SYK: variants seen among roughly 807,000 people sequenced by gnomAD.
SYK encodes the protein tyrosine-protein kinase SYK.
In SYK, 16 loss-of-function variants were observed where a neutral mutation model predicts 77.8. That is an observed-to-expected ratio of 0.21 (90% CI 0.14 to 0.31). The LOEUF (loss-of-function observed/expected upper bound fraction) is 0.31, where lower values mean the gene tolerates loss of function less well. Among genes scored for constraint, SYK ranks in the 10% least tolerant of loss-of-function variants. SYK has a pLI of 1.00. For synonymous variants in SYK, 312 were observed against 308.7 expected (o/e 1.01, Z -0.11); for missense variants, 529 against 814.4 (o/e 0.65, Z 4.26).
chr9:90,848,939 C>T (rs1442837583), intron 3 of SYK, among the ~76,000 whole-genome samples: 4 of 152,208 alleles, frequency 2.6e-5, no homozygotes, highest in African/African-American at 7.2e-5. Context: ...CTGAAGGCAG[C>T]GAGGAACCAT....
At chr9:90,877,038 C>CT (rs775270773) in intron 9 of SYK, among the ~76,000 whole-genome samples, 2 of 152,026 alleles carry the variant, frequency 1.3e-5, no homozygotes, top group African/African-American at 2.4e-5. Flanking sequence ...CAGTACTGTT[C>CT]TTCACCATTC....
Position 90,896,932 on chromosome 9 carries a change from C to G in SYK, c.*1332C>G, listed in dbSNP as rs942687750. On this transcript the variant is annotated 3_prime_UTR_variant, in exon 14 of 14. Transcript: ENST00000375754. Reference sequence around the variant, plus strand: ...GTCCCAGCTACTCGGGAGGCTGAGGCAGGAGAATCGCTTGAACCCAGGAAA... The same window carrying G: ...GTCCCAGCTACTCGGGAGGCTGAGGGAGGAGAATCGCTTGAACCCAGGAAA... The G allele has an allele frequency of 1.0e-5, 2 of 196,692 alleles. No homozygotes were observed. The highest frequency in any genetic ancestry group is 2.1e-5 in the Non-Finnish European group (2 of 94,998). 12.2% of individuals were successfully genotyped at this position (196,692 alleles called of 1,614,324 possible).
intron 1 of SYK, among the ~76,000 whole-genome samples, chr9:90,817,882 T>TGTGTGTGAGA (rs1302553724): frequency 7.6e-4 from 51 of 66,912 alleles, no homozygotes; most frequent in African/African-American, 2.4e-3. Flanking sequence ...TGTGTGTGTG[T>TGTGTGTGAGA]GAGAGAGAGA....
At chr9:90,863,929 T>C (rs1331717999) in intron 4 of SYK, among the ~76,000 whole-genome samples, 5 of 152,254 alleles carry the variant, frequency 3.3e-5, no homozygotes, top group African/African-American at 9.6e-5. Flanking sequence ...CAAGAATCTT[T>C]ACTATTTGTA....
At chr9:90,859,449 T>C (rs1827167517) in intron 3 of SYK, among the ~76,000 whole-genome samples, 1 of 152,242 alleles carries the variant, frequency 6.6e-6, no homozygotes, top group South Asian at 2.1e-4. Context: ...ATAGCTACCA[T>C]TTGCTCATTT....
intron 3 of SYK, among the ~76,000 whole-genome samples, chr9:90,854,982 C>CCT (rs148819313): frequency 1.2e-4 from 16 of 136,896 alleles, no homozygotes; most frequent in Non-Finnish European, 2.3e-4. Context: ...CTACAGCCCG[C>CCT]CTCTCTCTCT....
At chr9:90,817,457 G>A (rs558950663) in intron 1 of SYK, among the ~76,000 whole-genome samples, 1 of 152,218 alleles carries the variant, frequency 6.6e-6, no homozygotes, top group South Asian at 2.1e-4. Context: ...TGCCTGCAGT[G>A]TTAATATCCA....
intron 11 of SYK, among the ~76,000 whole-genome samples, chr9:90,880,606 C>G (rs913849442): frequency 6.6e-6 from 1 of 152,192 alleles, no homozygotes; most frequent in Admixed American, 6.5e-5. Flanking sequence ...AACAAGGACA[C>G]AGAGGAGATA....
rs202166418 is a variant in SYK at position 90,877,685 on chromosome 9, C to T, written c.1296C>T (p.Ile432=). ...TGCAGCAGCTGGACAACCCGTACAT[C>T]GTGCGGATGATCGGGATATGCGAGG... ...NVMQQLDNPY[I]VRMIGICEAE... The change falls in exon 10 of 14, where the codon ATC becomes ATT. Residue 432 remains isoleucine (I), a synonymous_variant. Transcript: ENST00000375754. The T allele has an allele frequency of 4.3e-6, 7 of 1,614,112 alleles. No homozygotes were observed. The highest frequency in any genetic ancestry group is 1.6e-4 in the Middle Eastern group (1 of 6,084).
chr9:90,853,126 T>G (rs1826882698), intron 3 of SYK, among the ~76,000 whole-genome samples: 2 of 151,558 alleles, frequency 1.3e-5, no homozygotes, highest in South Asian at 4.2e-4. Flanking sequence ...AAAATCTCTC[T>G]GGGTAAAGGA....
chr9:90,862,637 G>T (rs1827322346), intron 4 of SYK, among the ~76,000 whole-genome samples: 1 of 152,238 alleles, frequency 6.6e-6, no homozygotes, highest in Non-Finnish European at 1.5e-5. Context: ...CTTGTTCAGG[G>T]CCACTCAGCC....
Position 90,867,142 on chromosome 9 carries a change from G to A in SYK, c.858G>A (p.Ala286=), listed in dbSNP as rs200313175. 22 of 1,613,954 alleles carry A rather than the reference G, an allele frequency of 1.4e-5. No individual in the cohort carries two copies. In the South Asian group the frequency reaches 1.5e-4, roughly 11 times the overall value. The change falls in exon 7 of 14, where the codon GCG becomes GCA. Residue 286 remains alanine (A), a synonymous_variant. Transcript: ENST00000375754. ...GTTGTGGTTTCTAGACTTGGTCAGC[G>A]GGTGGAATAATCTCAAGAATCAAAT... ...LPGSHPATWS[A]GGIISRIKSY... is the part of the protein sequence containing the mutation.
intron 3 of SYK, among the ~76,000 whole-genome samples, chr9:90,855,786 C>T (rs10993724): frequency 0.16 from 23,895 of 151,740 alleles, 2,683 homozygotes; most frequent in African/African-American, 0.28. Context: ...GTTCCATCCC[C>T]TGAGTTTTTA....
intron 3 of SYK, among the ~76,000 whole-genome samples, chr9:90,858,533 T>C (rs1272200959): frequency 6.6e-6 from 1 of 152,228 alleles, no homozygotes; most frequent in Non-Finnish European, 1.5e-5. Flanking sequence ...CTTGCCTGTG[T>C]GCACGCCCTC....
chr9:90,855,007 T>TACACACACACACAC lies in SYK; in HGVS notation c.579-7196_579-7195insCACACACACACACA, dbSNP rs769425530. On this transcript the variant is annotated intron_variant, in intron 3 of 13. Transcript: ENST00000375754. ...CCTCTCTCTCTCTCACACACACACATACATACACACACACACACACACACA... is the reference window on the plus strand; with the variant it reads ...CCTCTCTCTCTCTCACACACACACATACACACACACACACACATACACACACACACACACACACA... Among the ~76,000 whole-genome samples the TACACACACACACAC allele has an allele frequency of 1.9e-3, 80 of 42,112 alleles. 2 individuals are homozygous for TACACACACACACAC. The highest frequency in any genetic ancestry group is 0.018 in the Admixed American group (69 of 3,796). 27.6% of individuals were successfully genotyped at this position (42,112 alleles called of 152,430 possible).
chr9:90,857,240 C>T (rs935814625), intron 3 of SYK, among the ~76,000 whole-genome samples: 17 of 152,136 alleles, frequency 1.1e-4, no homozygotes, highest in Non-Finnish European at 5.9e-5. Flanking sequence ...CATATGCTGC[C>T]GTAATTGATC....
rs757654631 is a variant in SYK, at chr9:90,845,498, C to T, written c.482C>T (p.Thr161Ile). The T allele has an allele frequency of 1.2e-6, 2 of 1,614,216 alleles. No individual in the cohort carries two copies. Among genetic ancestry groups the T allele is most frequent in the Non-Finnish European group, 1.7e-6 (2 of 1,180,032 alleles). The change falls in exon 3 of 14, where the codon ACA becomes ATA. Residue 161 changes from threonine (T) to isoleucine (I), a missense_variant. By Grantham distance (89) the Thr-to-Ile change is moderately conservative (BLOSUM62 -1). This residue lies in a region of SYK where 321 missense variants were observed against 433.1 expected (regional missense o/e 0.74). Coordinates refer to ENST00000375754, the MANE Select transcript of SYK (RefSeq NM_003177.7). ...CAGCTGGAGAAGCTGATCGCTACCA[C>T]AGCCCATGAAAAAATGCCTTGGTTC... The part of the protein sequence containing the change: ...KPQLEKLIAT[T>I]AHEKMPWFHG...
At chr9:90,843,013 A>T (rs1826434854) in intron 1 of SYK, among the ~76,000 whole-genome samples, 1 of 151,984 alleles carries the variant, frequency 6.6e-6, no homozygotes, top group African/African-American at 2.4e-5. Flanking sequence ...TCTGAAATGT[A>T]TTTATTTACT....
chr9:90,828,494 G>C (rs554978693), intron 1 of SYK, among the ~76,000 whole-genome samples: 1 of 152,182 alleles, frequency 6.6e-6, no homozygotes, highest in East Asian at 1.9e-4. Flanking sequence ...ATGGTAGATG[G>C]TGCAGTTCAC....
Sources: allele counts gnomAD v4.1 joint callset (sites outside exome capture counted in the v4.1 genomes callset), GRCh38; gene constraint gnomAD v4.1.1; regional missense constraint gnomAD v4.1.1; transcripts MANE v1.5; gene names NCBI Gene and HGNC (gene_info 2026-07-23, HGNC 2026-07-21).